DPYSL3: variants seen among roughly 807,000 people sequenced by gnomAD.
DPYSL3 encodes the protein dihydropyrimidinase-related protein 3.
In DPYSL3, 16 loss-of-function variants were observed where a neutral mutation model predicts 66.1. The observed-to-expected ratio is 0.24, with a 90% CI of 0.16 to 0.37. The LOEUF is 0.37. DPYSL3 is among the 10% of genes least tolerant of loss of function. The pLI, the probability that DPYSL3 is intolerant of heterozygous loss-of-function variation, is 1.00. For missense variants in DPYSL3, 738 were observed against 916.2 expected, an observed-to-expected ratio of 0.81 and a Z score of 2.51; for synonymous variants, 338 against 345.1, an observed-to-expected ratio of 0.98 and a Z score of 0.23.
chr5:147,421,738 C>T (rs187390082), intron 2 of DPYSL3, among the ~76,000 whole-genome samples: 90 of 152,102 alleles, frequency 5.9e-4, no homozygotes, highest in African/African-American at 1.7e-3. Context: ...TTGACAAACC[C>T]GACAAAAGTA....
At chr5:147,455,414 A>G (rs72833351) in intron 1 of DPYSL3, among the ~76,000 whole-genome samples, 172 of 152,332 alleles carry the variant, frequency 1.1e-3, no homozygotes, top group Non-Finnish European at 2.2e-3. Context: ...AGGAGGATGA[A>G]TGCCAAGCAA....
chr5:147,394,267 C>G lies in DPYSL3; in HGVS notation c.1967-144G>C, dbSNP rs1757905968. 6.2e-6 allele frequency: 5 copies of G among 804,278 alleles called. No individual in the cohort carries two copies. In the East Asian group the frequency reaches 1.3e-4, roughly 22 times the overall value. 49.8% of individuals were successfully genotyped at this position (804,278 alleles called of 1,614,324 possible). ...CCTCACCTCCCAAGAAACTTCCATT[C>G]CAGTCTATCAGGTCTTCTAGACTTT... On this transcript the variant is annotated intron_variant, in intron 13 of 13. Coordinates refer to ENST00000343218, the MANE Select transcript of DPYSL3 (RefSeq NM_001197294.2).
intron 1 of DPYSL3, among the ~76,000 whole-genome samples, chr5:147,459,976 G>A (rs1368014189): frequency 3.9e-5 from 6 of 152,218 alleles, no homozygotes; most frequent in Middle Eastern, 3.4e-3. Context: ...CAGGTGTGGT[G>A]GTGGGCGCCT....
At chr5:147,401,796 C>T in intron 8 of DPYSL3, 100 bp from the exon 9 acceptor site, 2 of 1,441,924 alleles carry the variant, frequency 1.4e-6, no homozygotes, top group South Asian at 2.7e-5. Context: ...AGGACTGTGT[C>T]TCAGAGTCAG....
chr5:147,399,119 T>C lies in DPYSL3; in HGVS notation c.1586A>G (p.Asp529Gly), dbSNP rs1404684930. ...SDSDLVIWDP[D>G]AVKIVSAKNH... is the part of the protein sequence containing the mutation. ...CTTGGCAGAGACGATCTTCACAGCATCTGGATCCCAGATGACGAGGTCGCT... is the reference window on the plus strand; with the variant it reads ...CTTGGCAGAGACGATCTTCACAGCACCTGGATCCCAGATGACGAGGTCGCT... Residue 529 changes from aspartate to glycine, a missense_variant, in exon 11 of 14, where the codon GAT (aspartate) becomes GGT (glycine). Coordinates refer to ENST00000343218, the MANE Select transcript of DPYSL3 (RefSeq NM_001197294.2). 4 of 1,614,214 alleles carry C rather than the reference T, an allele frequency of 2.5e-6. No homozygotes were observed. Among genetic ancestry groups the C allele is most frequent in the Non-Finnish European group, 3.4e-6 (4 of 1,180,042 alleles).
At chr5:147,464,191 T>C (rs942402990) in intron 1 of DPYSL3, among the ~76,000 whole-genome samples, 2 of 152,162 alleles carry the variant, frequency 1.3e-5, no homozygotes, top group African/African-American at 4.8e-5. Context: ...TAGGGAGCCA[T>C]CCTCCAGGGT....
chr5:147,397,883 TAGAGAA>T, intron 11 of DPYSL3, 38 bp from the exon 12 acceptor site: 3 of 1,119,938 alleles, frequency 2.7e-6, no homozygotes, highest in Non-Finnish European at 3.6e-6. Flanking sequence ...ACAGTAAGGG[TAGAGAA>T]AGAGGAACGT....
At chr5:147,397,282 C>G (rs1758018234) in intron 12 of DPYSL3, among the ~76,000 whole-genome samples, 1 of 151,622 alleles carries the variant, frequency 6.6e-6, no homozygotes, top group Admixed American at 6.6e-5. Context: ...GTGTTTGCCC[C>G]TGTGGAGCAG....
At chr5:147,406,858 C>G (rs116822003) in intron 7 of DPYSL3, among the ~76,000 whole-genome samples, 6 of 152,302 alleles carry the variant, frequency 3.9e-5, no homozygotes, top group African/African-American at 1.4e-4. Context: ...ATAATGCAAA[C>G]CAGTCACTGT....
Position 147,394,129 on chromosome 5 carries a change from G to T in DPYSL3, c.1967-6C>A, listed in dbSNP as rs1450216204. ...CCCCTCATCCACTTGGGTGCCTACA[G>T]TTGGAAATAAATTCCCAGGGGGAAA... On this transcript the variant is annotated splice_polypyrimidine_tract_variant and splice_region_variant and intron_variant, in intron 13 of 13. Coordinates refer to ENST00000343218, the MANE Select transcript of DPYSL3 (RefSeq NM_001197294.2). The T allele has an allele frequency of 1.9e-6, 3 of 1,613,350 alleles. No individual in the cohort carries two copies. Among genetic ancestry groups the T allele is most frequent in the Non-Finnish European group, 1.7e-6 (2 of 1,179,858 alleles).
intron 1 of DPYSL3, among the ~76,000 whole-genome samples, chr5:147,471,903 C>A (rs551178364): frequency 1.3e-5 from 2 of 152,110 alleles, no homozygotes; most frequent in African/African-American, 2.4e-5. Flanking sequence ...TTAGTCCAGG[C>A]GTTTACATCT....
At chr5:147,462,594 G>A (rs1007104893) in intron 1 of DPYSL3, among the ~76,000 whole-genome samples, 3 of 152,102 alleles carry the variant, frequency 2.0e-5, no homozygotes, top group Admixed American at 6.5e-5. Context: ...AATGAAGGAA[G>A]CACAAAGCCT....
At chr5:147,431,994 C>A (rs1479786997) in intron 1 of DPYSL3, among the ~76,000 whole-genome samples, 1 of 152,260 alleles carries the variant, frequency 6.6e-6, no homozygotes, top group East Asian at 1.9e-4. Context: ...AGAAGATAGA[C>A]ATCTTGAGGA....
intron 1 of DPYSL3, among the ~76,000 whole-genome samples, chr5:147,451,819 C>G (rs1752733714): frequency 1.3e-5 from 2 of 152,136 alleles, no homozygotes; most frequent in South Asian, 4.1e-4. Flanking sequence ...AGCTTTTTCT[C>G]TTTCTTTTTT....
At chr5:147,453,782 G>A in intron 1 of DPYSL3, 4 of 1,206,368 alleles carry the variant, frequency 3.3e-6, no homozygotes, top group Non-Finnish European at 4.1e-6. Context: ...AAATCTCCCC[G>A]GTCCCCCTTT....
At chr5:147,416,999 G>T (rs532548354) in intron 3 of DPYSL3, among the ~76,000 whole-genome samples, 1 of 152,278 alleles carries the variant, frequency 6.6e-6, no homozygotes, top group African/African-American at 2.4e-5. Flanking sequence ...GGCCAAATAG[G>T]ATTTTAAAAA....
intron 1 of DPYSL3, among the ~76,000 whole-genome samples, chr5:147,506,830 A>C (rs986795870): frequency 6.6e-6 from 1 of 152,184 alleles, no homozygotes; most frequent in Non-Finnish European, 1.5e-5. Flanking sequence ...GACAGATTTC[A>C]CTCCATTAAT....
chr5:147,393,941 T>C lies in DPYSL3; in HGVS notation c.*94A>G. On this transcript the variant is annotated 3_prime_UTR_variant, in exon 14 of 14. Coordinates refer to ENST00000343218, the MANE Select transcript of DPYSL3 (RefSeq NM_001197294.2). Reference sequence around the variant, plus strand: ...TTATTGATTCTTTAGATCACAACCGTTTGGATTCGCTTTCCTTCTTAAATA... The same window carrying C: ...TTATTGATTCTTTAGATCACAACCGCTTGGATTCGCTTTCCTTCTTAAATA... 7.8e-7 allele frequency: 1 copy of C among 1,286,100 alleles called. No individual in the cohort carries two copies. The highest frequency in any genetic ancestry group is 1.1e-6 in the Non-Finnish European group (1 of 894,294). The allele number at this position is 1,286,100 out of a possible 1,614,324, so 79.7% of individuals were successfully genotyped here.
intron 1 of DPYSL3, among the ~76,000 whole-genome samples, chr5:147,448,380 G>A (rs1436165819): frequency 6.6e-6 from 1 of 152,142 alleles, no homozygotes; most frequent in Non-Finnish European, 1.5e-5. Flanking sequence ...AAAATTCTTA[G>A]GAACACTGTA....
Sources: allele counts gnomAD v4.1 joint callset (sites outside exome capture counted in the v4.1 genomes callset), GRCh38; gene constraint gnomAD v4.1.1; transcripts MANE v1.5; gene names NCBI Gene and HGNC (gene_info 2026-07-23, HGNC 2026-07-21).